The following MED13 variants were observed in gnomAD, a reference collection of about 807,000 sequenced individuals.
The protein encoded by MED13 is mediator complex subunit 13, also known as mediator of RNA polymerase II transcription subunit 13.
A neutral mutation model predicts 225.2 loss-of-function variants in MED13; 23 were observed. The ratio of observed to expected loss-of-function variants is 0.10; its 90% CI spans 0.07 to 0.14. The LOEUF is 0.14. Ranked by LOEUF, MED13 falls within the 10% of genes least tolerant of loss-of-function variation. The pLI, the probability that MED13 is intolerant of heterozygous loss-of-function variation, is 1.00. For missense variants in MED13, 2,197 were observed against 2,594.5 expected (o/e 0.85, Z 3.33); for synonymous variants, 942 against 889.2 (o/e 1.06, Z -1.06).
chr17:62,033,773 C>A lies in MED13; in HGVS notation c.814+14G>T. ...ATGCATTTTCCCCTTAGGAATAATA[C>A]TCAGGATCCATACCAACAAGAACTT... On this transcript the variant is annotated intron_variant, in intron 5 of 29. Transcript: ENST00000397786. 6.2e-7 allele frequency: 1 copy of A among 1,612,066 alleles called. No individual in the cohort carries two copies. Among genetic ancestry groups the A allele is most frequent in the Non-Finnish European group, 8.5e-7 (1 of 1,178,540 alleles).
intron 3 of MED13, among the ~76,000 whole-genome samples, chr17:62,037,955 C>CAAAA (rs397857634): frequency 0.023 from 1,519 of 64,742 alleles, 195 homozygotes; most frequent in Non-Finnish European, 0.032. Flanking sequence ...GACTTCATCT[C>CAAAA]AAAAAAAAAA....
In MED13 at chr17:62,028,623, T is replaced by C. The variant is rs139966251; in HGVS notation, c.1283+918A>G. On this transcript the variant is annotated intron_variant, in intron 8 of 29. Transcript: ENST00000397786. ...TTACTATTAAAAAAAGATTGTATCA[T>C]GAGGTCAGGAGATTGAGACCATCCT... 1.2e-4 allele frequency among the ~76,000 whole-genome samples: 18 copies of C among 151,576 alleles called. No individual in the cohort carries two copies. In the East Asian group the frequency reaches 3.3e-3, roughly 28 times the overall value.
intron 4 of MED13, 94 bp downstream of exon 4, chr17:62,035,369 G>C: frequency 9.5e-7 from 1 of 1,053,342 alleles, no homozygotes; most frequent in Non-Finnish European, 1.3e-6. Flanking sequence ...TAAAGATCAG[G>C]GGGAATTCCA....
intron 8 of MED13, among the ~76,000 whole-genome samples, chr17:62,015,944 A>ATATATT (rs2080570660): frequency 1.6e-4 from 2 of 12,732 alleles, no homozygotes; most frequent in Non-Finnish European, 3.1e-4. Flanking sequence ...ATATATATAT[A>ATATATT]TATATATATA....
intron 7 of MED13, 53 bp from the exon 8 acceptor site, chr17:62,029,704 C>A: frequency 6.4e-7 from 1 of 1,550,504 alleles, no homozygotes; most frequent in African/African-American, 1.4e-5. Context: ...TTCTATCAAA[C>A]CTCAATGTAG....
At chr17:62,043,631 T>C (rs1383181241) in intron 3 of MED13, among the ~76,000 whole-genome samples, 2 of 152,256 alleles carry the variant, frequency 1.3e-5, no homozygotes, top group Non-Finnish European at 2.9e-5. Flanking sequence ...CCTAGAACTG[T>C]GTTGTAAATA....
At position 62,052,622 on chromosome 17, in the gene MED13, G is replaced by A. The variant is rs748801219; in HGVS notation, c.385C>T (p.Arg129Trp). ...LFKAVHNLLE[R>W]CLMNRNFVRI... is the part of the protein sequence containing the mutation. Reference sequence around the variant, plus strand: ...ACAAAATTCCTGTTCATTAAACACCGTTCCAATAGATTGTGAACTGCTTTG... The same window carrying A: ...ACAAAATTCCTGTTCATTAAACACCATTCCAATAGATTGTGAACTGCTTTG... The change falls in exon 3 of 30, where the codon CGG becomes TGG. Residue 129 changes from arginine (R) to tryptophan (W), a missense_variant. Physicochemically the swap from Arg to Trp is moderately radical, Grantham distance 101. Around this residue, in one of 12 missense-constraint regions of MED13, gnomAD observed 884 missense variants for 918.5 expected, o/e 0.96. Transcript: ENST00000397786. The A allele has an allele frequency of 4.4e-6, 7 of 1,604,086 alleles. No individual in the cohort carries two copies. The highest frequency in any genetic ancestry group is 3.4e-5 in the South Asian group (3 of 88,764).
chr17:62,035,652 CA>C, intron 3 of MED13, 44 bp from the exon 4 acceptor site: 2 of 1,543,442 alleles, frequency 1.3e-6, no homozygotes, highest in South Asian at 1.2e-5. Context: ...GACTAGTGGC[CA>C]AAAATGTTAA....
At chr17:61,952,801 T>C (rs767174385) in intron 27 of MED13, among the ~76,000 whole-genome samples, 164 bp downstream of exon 27, 6 of 152,198 alleles carry the variant, frequency 3.9e-5, no homozygotes, top group Admixed American at 6.5e-5. Flanking sequence ...CTTACCCGGC[T>C]ATTTTTTACA....
intron 10 of MED13, among the ~76,000 whole-genome samples, chr17:61,993,628 G>A (rs538815620): frequency 1.9e-4 from 29 of 151,200 alleles, no homozygotes; most frequent in African/African-American, 6.5e-4. Flanking sequence ...AACTAATTTT[G>A]TATTAAACAT....
At chr17:61,950,764 T>G in intron 28 of MED13, 61 bp downstream of exon 28, 1 of 1,511,002 alleles carries the variant, frequency 6.6e-7, no homozygotes, top group Middle Eastern at 1.8e-4. Context: ...CACTTCTATA[T>G]TTCTCAGGAC....
chr17:62,032,655 A>G (rs1037477208), intron 5 of MED13, among the ~76,000 whole-genome samples: 4 of 152,158 alleles, frequency 2.6e-5, no homozygotes, highest in African/African-American at 9.6e-5. Flanking sequence ...CTCCATTGTC[A>G]GGCTGTGTGA....
intron 27 of MED13, 24 bp from the exon 28 acceptor site, chr17:61,951,022 A>G (rs766360101): frequency 5.7e-6 from 9 of 1,589,430 alleles, no homozygotes; most frequent in East Asian, 4.5e-5. Context: ...AATTAAAAGT[A>G]TATTAGTTCA....
Position 61,953,044 on chromosome 17 carries a change from T to C in MED13, c.6038A>G (p.Asn2013Ser), listed in dbSNP as rs750236403. 4 of 1,613,748 alleles carry C rather than the reference T, an allele frequency of 2.5e-6. No individual in the cohort carries two copies. The highest frequency in any genetic ancestry group is 3.4e-6 in the Non-Finnish European group (4 of 1,179,734). Residue 2013 changes from asparagine to serine, a missense_variant, in exon 27 of 30, where the codon AAT becomes AGT. Transcript: ENST00000397786. Reference protein sequence around the residue: ...TGDDLDPDIINILPASPTGSP... With the variant: ...TGDDLDPDIISILPASPTGSP... ...ACCAGTTGGAGAAGCAGGAAGGATA[T>C]TAATGATATCAGGGTCAAGATCATC...
Position 61,968,037 on chromosome 17 carries a change from C to T in MED13, c.4189G>A (p.Glu1397Lys). 6.2e-7 allele frequency: 1 copy of T among 1,603,282 alleles called. No homozygotes were observed. Reference protein sequence around the residue: ...SFFRDLTAIYESCRLGQHRPV... With the variant: ...SFFRDLTAIYKSCRLGQHRPV... ...GTCATCTCTTTTTAAACACCTACCT[C>T]ATATATTGCAGTAAGATCTCTAAAA... Residue 1397 changes from glutamate to lysine, a missense_variant and splice_region_variant, in exon 18 of 30, where the codon GAG becomes AAG. This residue lies in a region of MED13 where 457 missense variants were observed against 442.2 expected (regional missense o/e 1.03). Transcript: ENST00000397786.
intron 16 of MED13, among the ~76,000 whole-genome samples, chr17:61,980,175 G>A (rs911459106): frequency 2.0e-5 from 3 of 151,976 alleles, no homozygotes; most frequent in African/African-American, 4.8e-5. Context: ...GTGACAGAGC[G>A]AGACTCTGTC....
chr17:61,987,462 C>A (rs1009864887), intron 11 of MED13, among the ~76,000 whole-genome samples: 4 of 151,716 alleles, frequency 2.6e-5, no homozygotes, highest in Non-Finnish European at 1.5e-5. Context: ...CAAAAAAAAA[C>A]CTGCTACTAA....
At position 61,962,986 on chromosome 17, in the gene MED13, A is replaced by G; in HGVS notation, c.4845-15T>C. On this transcript the variant is annotated splice_polypyrimidine_tract_variant and intron_variant, in intron 20 of 29. Transcript: ENST00000397786. ...GATCCATCGTGCTAAAATTTAAGGT[A>G]GAAATGAGACAAAAAGTTGTACTGT... The G allele has an allele frequency of 6.2e-7, 1 of 1,612,470 alleles. No homozygotes were observed. The highest frequency in any genetic ancestry group is 8.5e-7 in the Non-Finnish European group (1 of 1,178,764).
At position 62,063,149 on chromosome 17, in the gene MED13, T is replaced by G. The variant is rs768979501; in HGVS notation, c.219A>C (p.Gln73His). ...TCCACAATTCTCTTCTTCCAGGTCT[T>G]TGATCTCGCCGCCAAACACCAAGTA... ...ADVLGVWRRD[Q>H]RPGRRELWIF... The change falls in exon 2 of 30, where the codon CAA (glutamine) becomes CAC (histidine). Residue 73 changes from glutamine to histidine, a missense_variant. Physicochemically the swap from Gln to His is conservative, Grantham distance 24. Transcript: ENST00000397786. The G allele has an allele frequency of 6.2e-7, 1 of 1,614,176 alleles. No homozygotes were observed. The highest frequency in any genetic ancestry group is 1.7e-5 in the Admixed American group (1 of 60,026).
Sources: gnomAD v4.1 joint callset for allele counts (sites outside exome capture counted in the v4.1 genomes callset) on GRCh38, gnomAD v4.1.1 for gene constraint, gnomAD v4.1.1 regional missense constraint, MANE v1.5 for transcripts, NCBI Gene and HGNC (gene_info 2026-07-23, HGNC 2026-07-21) for gene names.